Variants in TFF1 observed in about 807,000 individuals in gnomAD.
The protein encoded by TFF1 is breast cancer estrogen-inducible protein.
Under a neutral mutation model 7.7 loss-of-function variants are expected in TFF1, and 8 were observed. The ratio of observed to expected loss-of-function variants is 1.04; its 90% CI spans 0.61 to 1.87. The LOEUF (loss-of-function observed/expected upper bound fraction) is 1.87, where lower values mean the gene tolerates loss of function less well. TFF1 is among the 40% of genes most tolerant of loss of function. TFF1 has a pLI of 0.00. For synonymous variants in TFF1, 47 were observed against 44.8 expected, an observed-to-expected ratio of 1.05 and a Z score of -0.19; for missense variants, 120 against 113.4, an observed-to-expected ratio of 1.06 and a Z score of -0.26.
chr21:42,365,183 G>A (rs904182612), intron 1 of TFF1, among the ~76,000 whole-genome samples: 3 of 152,056 alleles, frequency 2.0e-5, no homozygotes, highest in African/African-American at 4.8e-5. Context: ...CCGCAAAGAC[G>A]CTCTGAGCCT....
At chr21:42,365,324 C>A (rs1404333993) in intron 1 of TFF1, among the ~76,000 whole-genome samples, 1 of 152,058 alleles carries the variant, frequency 6.6e-6, no homozygotes, top group Non-Finnish European at 1.5e-5. Flanking sequence ...GTGGCCAGCA[C>A]GGGGACCCAC....
chr21:42,365,235 G>A (rs577292679), intron 1 of TFF1, among the ~76,000 whole-genome samples: 2 of 151,720 alleles, frequency 1.3e-5, no homozygotes, highest in Non-Finnish European at 2.9e-5. Context: ...AGTTTGCCAC[G>A]GCCTCTGTGA....
intron 1 of TFF1, 33 bp from the exon 2 acceptor site, chr21:42,363,440 T>C: frequency 6.2e-7 from 1 of 1,601,604 alleles, no homozygotes; most frequent in Non-Finnish European, 8.5e-7. Context: ...CAAAGTAAGT[T>C]GTGGGCTGAA....
At chr21:42,365,915 C>T (rs2052275702) in intron 1 of TFF1, among the ~76,000 whole-genome samples, 1 of 152,138 alleles carries the variant, frequency 6.6e-6, no homozygotes, top group Admixed American at 6.5e-5. Context: ...CAGGGGAGCC[C>T]AGGAACCTGT....
At chr21:42,365,299 C>T (rs2052270763) in intron 1 of TFF1, among the ~76,000 whole-genome samples, 1 of 151,524 alleles carries the variant, frequency 6.6e-6, no homozygotes, top group Admixed American at 6.6e-5. Flanking sequence ...AGGGCGCAGG[C>T]AGATGGGCCT....
At chr21:42,362,968 T>C (rs1043739428) in intron 2 of TFF1, among the ~76,000 whole-genome samples, 1 of 151,570 alleles carries the variant, frequency 6.6e-6, no homozygotes, top group Non-Finnish European at 1.5e-5. Flanking sequence ...CCCTCTATCC[T>C]AGGCAAGCTA....
At chr21:42,364,620 G>C (rs986437474) in intron 1 of TFF1, among the ~76,000 whole-genome samples, 1 of 152,232 alleles carries the variant, frequency 6.6e-6, no homozygotes, top group Admixed American at 6.5e-5. Context: ...CCTGCAGCAG[G>C]GGGTGAAAGA....
At chr21:42,366,251 C>T (rs2052278337) in intron 1 of TFF1, among the ~76,000 whole-genome samples, 160 bp downstream of exon 1, 1 of 152,332 alleles carries the variant, frequency 6.6e-6, no homozygotes, top group Admixed American at 6.5e-5. Context: ...TACTCTCCAC[C>T]TGCTTTTGCC....
rs1568868943 is a variant in TFF1 at position 42,365,279 on chromosome 21, G to A, written c.85+1132C>T. Reference sequence around the variant, plus strand: ...CACAGGGGGCAGAGCTGGGGGCTGGGGTGGGGGCAAGGGCGCAGGCAGATG... The same window carrying A: ...CACAGGGGGCAGAGCTGGGGGCTGGAGTGGGGGCAAGGGCGCAGGCAGATG... On this transcript the variant is annotated intron_variant, in intron 1 of 2. Transcript: ENST00000291527. 3.3e-5 allele frequency among the ~76,000 whole-genome samples: 5 copies of A among 152,070 alleles called. No homozygotes were observed. In the South Asian group the frequency reaches 1.0e-3, roughly 32 times the overall value.
At chr21:42,363,457 G>T (rs535828908) in intron 1 of TFF1, 50 bp from the exon 2 acceptor site, 4 of 1,584,652 alleles carry the variant, frequency 2.5e-6, no homozygotes, top group East Asian at 4.5e-5. Context: ...TGAATTCCTT[G>T]ATGTTATCAT....
At chr21:42,365,121 T>C (rs2052269501) in intron 1 of TFF1, among the ~76,000 whole-genome samples, 1 of 152,174 alleles carries the variant, frequency 6.6e-6, no homozygotes, top group Non-Finnish European at 1.5e-5. Context: ...CACTAAACTG[T>C]AATCACAATT....
At chr21:42,366,229 G>C (rs1416929967) in intron 1 of TFF1, among the ~76,000 whole-genome samples, 182 bp downstream of exon 1, 1 of 152,150 alleles carries the variant, frequency 6.6e-6, no homozygotes, top group Non-Finnish European at 1.5e-5. Context: ...CGGGGGCCCT[G>C]CCACCCTGAG....
intron 2 of TFF1, 134 bp from the exon 3 acceptor site, chr21:42,362,629 C>T (rs530489402): frequency 2.1e-5 from 23 of 1,110,822 alleles, no homozygotes; most frequent in African/African-American, 1.1e-4. Flanking sequence ...AACTGTCAGC[C>T]GGGCACGGTG....
intron 1 of TFF1, among the ~76,000 whole-genome samples, chr21:42,366,126 A>G (rs2052277404): frequency 6.6e-6 from 1 of 152,150 alleles, no homozygotes; most frequent in Non-Finnish European, 1.5e-5. Context: ...TCTTTGAAAC[A>G]TGACACTTGG....
intron 2 of TFF1, 44 bp from the exon 3 acceptor site, chr21:42,362,539 A>G: frequency 1.3e-6 from 2 of 1,537,172 alleles, no homozygotes; most frequent in Admixed American, 2.2e-5. Context: ...TTTAGTGAGG[A>G]TAAACATTTT....
chr21:42,364,119 A>C (rs1309138164), intron 1 of TFF1, among the ~76,000 whole-genome samples: 1 of 152,026 alleles, frequency 6.6e-6, no homozygotes, highest in Non-Finnish European at 1.5e-5. Flanking sequence ...AAAAAAAAAA[A>C]AAAGAGTCTA....
intron 1 of TFF1, among the ~76,000 whole-genome samples, chr21:42,365,095 T>C (rs944784924): frequency 6.6e-6 from 1 of 152,120 alleles, no homozygotes; most frequent in Non-Finnish European, 1.5e-5. Context: ...ATGGAAATGG[T>C]TTCCACACAC....
chr21:42,365,791 C>G (rs1537117), intron 1 of TFF1, among the ~76,000 whole-genome samples: 1 of 152,280 alleles, frequency 6.6e-6, no homozygotes, highest in Non-Finnish European at 1.5e-5. Flanking sequence ...TGGCCTCCTC[C>G]TCCACTCCCT....
rs750593771 is a variant in TFF1, at chr21:42,362,436, G to T, written c.*43C>A. On this transcript the variant is annotated 3_prime_UTR_variant, in exon 3 of 3. Transcript: ENST00000291527. Reference sequence around the variant, plus strand: ...CTCTGGGACTAATCACCGTGCTGGGGACGGCACCGCGTCAGGATGCAGGCA... The same window carrying T: ...CTCTGGGACTAATCACCGTGCTGGGTACGGCACCGCGTCAGGATGCAGGCA... 14 of 1,564,882 alleles carry T rather than the reference G, an allele frequency of 8.9e-6. No homozygotes were observed. Among genetic ancestry groups the T allele is most frequent in the Non-Finnish European group, 1.2e-5 (14 of 1,155,926 alleles).
Sources: gnomAD v4.1 joint callset for allele counts (sites outside exome capture counted in the v4.1 genomes callset) on GRCh38, gnomAD v4.1.1 for gene constraint, MANE v1.5 for transcripts, NCBI Gene and HGNC (gene_info 2026-07-23, HGNC 2026-07-21) for gene names.